MN1: variants seen among roughly 807,000 people sequenced by gnomAD.
MN1 encodes MN1 proto-oncogene, transcriptional regulator.
In MN1, 19 loss-of-function variants were observed where a neutral mutation model predicts 86.9. The observed-to-expected ratio is 0.22, with a 90% CI of 0.15 to 0.32. MN1 has a LOEUF of 0.32. Among genes scored for constraint, MN1 ranks in the 10% least tolerant of loss-of-function variants. MN1 has a pLI of 1.00. For missense variants in MN1, 1,841 were observed against 1,862.0 expected (o/e 0.99, Z 0.21); for synonymous variants, 928 against 849.6 (o/e 1.09, Z -1.60).
chr22:27,790,112 C>T (rs551606285), intron 1 of MN1, among the ~76,000 whole-genome samples: 6 of 152,354 alleles, frequency 3.9e-5, no homozygotes, highest in East Asian at 1.9e-4. Flanking sequence ...GCTCAAACCT[C>T]GGAGGCTGCT....
In MN1 at chr22:27,749,119, C is replaced by T; in HGVS notation, c.*1796G>A. On this transcript the variant is annotated 3_prime_UTR_variant, in exon 2 of 2. Transcript: ENST00000302326. Reference sequence around the variant, plus strand: ...GGGGTTTGCTCCTCGTCAAGACTGCCCAGGCGAGAACCGCAGACTCAGACC... The same window carrying T: ...GGGGTTTGCTCCTCGTCAAGACTGCTCAGGCGAGAACCGCAGACTCAGACC... 1 of 232,178 alleles carries T rather than the reference C, an allele frequency of 4.3e-6. No homozygotes were observed. Among genetic ancestry groups the T allele is most frequent in the East Asian group, 6.1e-5 (1 of 16,462 alleles). The allele number at this position is 232,178 out of a possible 1,614,324, so 14.4% of individuals were successfully genotyped here.
In MN1 at chr22:27,750,978, G is replaced by A. The variant is rs761209142; in HGVS notation, c.3900C>T (p.Thr1300=). The A allele has an allele frequency of 6.2e-7, 1 of 1,613,010 alleles. No homozygotes were observed. The highest frequency in any genetic ancestry group is 1.1e-5 in the South Asian group (1 of 90,928). The change falls in exon 2 of 2, where the codon ACC becomes ACT. Residue 1300 remains threonine (T), a synonymous_variant. Transcript: ENST00000302326. ...GDAKARASVP[T]WRSLHSDISN... ...AGATGTCAGAATGCAGGGACCGCCA[G>A]GTGGGCACGGAGGCTCGAGCCTTGG...
chr22:27,780,480 T>C (rs570676448), intron 1 of MN1, among the ~76,000 whole-genome samples: 2 of 152,302 alleles, frequency 1.3e-5, no homozygotes, highest in East Asian at 3.9e-4. Flanking sequence ...GGCTGACAGC[T>C]GACATCACTT....
chr22:27,792,346 ATAT>A (rs1933225023), intron 1 of MN1, among the ~76,000 whole-genome samples: 1 of 139,100 alleles, frequency 7.2e-6, no homozygotes, highest in Non-Finnish European at 1.6e-5. Flanking sequence ...ATATATATAT[ATAT>A]ATGAATATAT....
chr22:27,781,086 A>G (rs1311816082), intron 1 of MN1, among the ~76,000 whole-genome samples: 1 of 152,088 alleles, frequency 6.6e-6, no homozygotes, highest in Non-Finnish European at 1.5e-5. Flanking sequence ...GTGCGCCACC[A>G]TGGCCAGCTA....
intron 1 of MN1, among the ~76,000 whole-genome samples, chr22:27,785,379 T>A (rs1933114312): frequency 1.3e-5 from 2 of 152,194 alleles, no homozygotes; most frequent in South Asian, 4.2e-4. Flanking sequence ...CTTCTCCACG[T>A]CCGGCCACGT....
intron 1 of MN1, among the ~76,000 whole-genome samples, chr22:27,776,023 G>A (rs933762463): frequency 2.0e-5 from 3 of 152,212 alleles, no homozygotes; most frequent in Non-Finnish European, 2.9e-5. Flanking sequence ...AGCAGTGGGG[G>A]CTGCAAATTT....
chr22:27,791,997 T>TGTATATTTTATATCAGCACAGGGTATCAA (rs1933217357), intron 1 of MN1: 3 of 152,492 alleles, frequency 2.0e-5, no homozygotes, highest in African/African-American at 7.2e-5. Flanking sequence ...TTATTAAAAA[T>TGTATATTTTATATCAGCACAGGGTATCAA]GTATATTTTA....
At chr22:27,766,354 C>T (rs1932869949) in intron 1 of MN1, among the ~76,000 whole-genome samples, 1 of 152,088 alleles carries the variant, frequency 6.6e-6, no homozygotes, top group African/African-American at 2.4e-5. Flanking sequence ...GGGCCTGCAA[C>T]GCCCAGTGTC....
chr22:27,771,537 T>A (rs942324644), intron 1 of MN1, among the ~76,000 whole-genome samples: 1 of 152,174 alleles, frequency 6.6e-6, no homozygotes, highest in African/African-American at 2.4e-5. Flanking sequence ...TTTTTCATTT[T>A]TTAATGGTTG....
Position 27,750,442 on chromosome 22 carries a change from A to C in MN1, c.*473T>G. 1 of 230,380 alleles carries C rather than the reference A, an allele frequency of 4.3e-6. No homozygotes were observed. The highest frequency in any genetic ancestry group is 6.2e-5 in the East Asian group (1 of 16,206). 14.3% of individuals were successfully genotyped at this position (230,380 alleles called of 1,614,324 possible). On this transcript the variant is annotated 3_prime_UTR_variant, in exon 2 of 2. Transcript: ENST00000302326. ...ATTTCCATTTTAATAAGCAGTGAAC[A>C]AAGCAAAAAGAAAATAAAAGGGGAG...
chr22:27,784,198 T>C (rs1265760449), intron 1 of MN1, among the ~76,000 whole-genome samples: 2 of 152,144 alleles, frequency 1.3e-5, no homozygotes, highest in Non-Finnish European at 2.9e-5. Flanking sequence ...GGGATGCACC[T>C]AGGGGATCAC....
At chr22:27,762,713 G>T (rs1239363323) in intron 1 of MN1, among the ~76,000 whole-genome samples, 1 of 151,832 alleles carries the variant, frequency 6.6e-6, no homozygotes, top group African/African-American at 2.4e-5. Context: ...TAAACACCAG[G>T]GCTGACACCT....
chr22:27,761,738 C>T (rs1406538499), intron 1 of MN1, among the ~76,000 whole-genome samples: 8 of 152,216 alleles, frequency 5.3e-5, no homozygotes, highest in Admixed American at 1.3e-4. Flanking sequence ...CCAGGCCCCA[C>T]GAGGGTGAAG....
In MN1 at chr22:27,777,059, C is replaced by T. The variant is rs74348742; in HGVS notation, c.3781+19704G>A. On this transcript the variant is annotated intron_variant, in intron 1 of 1. Transcript: ENST00000302326. ...GGGCATGGGTATTCCCCACTCTCTA[C>T]AAATAGGATTTTGCTCCCTACAATC... 5.0e-3 allele frequency among the ~76,000 whole-genome samples: 768 copies of T among 152,256 alleles called. 9 individuals carry two copies. Among genetic ancestry groups the T allele is most frequent in the African/African-American group, 0.017 (709 of 41,542 alleles).
chr22:27,776,745 G>A (rs1008133145), intron 1 of MN1, among the ~76,000 whole-genome samples: 6 of 151,812 alleles, frequency 4.0e-5, no homozygotes, highest in East Asian at 1.9e-4. Context: ...CCCCTCACCC[G>A]CCCCAACTCG....
chr22:27,793,031 T>C (rs978537914), intron 1 of MN1, among the ~76,000 whole-genome samples: 1 of 152,162 alleles, frequency 6.6e-6, no homozygotes, highest in Non-Finnish European at 1.5e-5. Flanking sequence ...CTGGCATCAC[T>C]GTAAAAATAT....
intron 1 of MN1, among the ~76,000 whole-genome samples, chr22:27,775,926 A>C (rs1301990630): frequency 1.3e-5 from 2 of 150,986 alleles, no homozygotes; most frequent in African/African-American, 4.9e-5. Flanking sequence ...TCCCAGCCGC[A>C]CTTGCATTTA....
chr22:27,760,110 G>C (rs1000297692), intron 1 of MN1, among the ~76,000 whole-genome samples: 7 of 152,212 alleles, frequency 4.6e-5, no homozygotes, highest in Admixed American at 4.6e-4. Flanking sequence ...AGAACTTTGT[G>C]AGACCAAGGT....
Sources: allele counts gnomAD v4.1 joint callset (sites outside exome capture counted in the v4.1 genomes callset), GRCh38; gene constraint gnomAD v4.1.1; transcripts MANE v1.5; gene names NCBI Gene and HGNC (gene_info 2026-07-23, HGNC 2026-07-21).